The following CCDC167 variants were observed in gnomAD, a reference collection of about 807,000 sequenced individuals.
CCDC167 encodes coiled-coil domain containing 167, also known as coiled-coil domain-containing protein 167.
In CCDC167, 15 loss-of-function variants were observed where a neutral mutation model predicts 12.7. The observed-to-expected ratio is 1.18, with a 90% CI of 0.79 to 1.81. The LOEUF is 1.81. CCDC167 is among the 40% of genes most tolerant of loss of function. The probability of loss-of-function intolerance (pLI) is 0.00; values close to 1 mark genes in which losing one functional copy is unlikely to be tolerated. For synonymous variants in CCDC167, 52 were observed against 49.0 expected (o/e 1.06, Z -0.26); for missense variants, 121 against 120.1 (o/e 1.01, Z -0.03).
intron 1 of CCDC167, among the ~76,000 whole-genome samples, chr6:37,486,794 A>G (rs1334078373): frequency 6.6e-6 from 1 of 152,190 alleles, no homozygotes; most frequent in African/African-American, 2.4e-5. Context: ...GGAAATGAAC[A>G]CTGGGAAGCC....
At chr6:37,485,280 T>G (rs1405471042) in intron 1 of CCDC167, 86 bp from the exon 2 acceptor site, 9 of 1,010,654 alleles carry the variant, frequency 8.9e-6, no homozygotes, top group African/African-American at 4.7e-5. Flanking sequence ...TCCGGGAGTC[T>G]TCTTGGACAG....
intron 1 of CCDC167, among the ~76,000 whole-genome samples, chr6:37,497,726 T>C (rs541248367): frequency 6.6e-6 from 1 of 151,974 alleles, no homozygotes; most frequent in Non-Finnish European, 1.5e-5. Flanking sequence ...GTGGTGGTGG[T>C]CTAATCCTGG....
At chr6:37,484,736 C>G in intron 3 of CCDC167, 74 bp downstream of exon 3, 1 of 1,562,122 alleles carries the variant, frequency 6.4e-7, no homozygotes. Context: ...CCTTGTCAGG[C>G]CCCTTGGGCT....
At position 37,485,272 on chromosome 6, in the gene CCDC167, C is replaced by T. The variant is rs1018336787; in HGVS notation, c.43-78G>A. 1.1e-4 allele frequency: 120 copies of T among 1,119,752 alleles called. No individual in the cohort carries two copies. In the East Asian group the frequency reaches 1.8e-3, roughly 17 times the overall value. The allele number at this position is 1,119,752 out of a possible 1,614,324, so 69.4% of individuals were successfully genotyped here. On this transcript the variant is annotated intron_variant, in intron 1 of 3. Transcript: ENST00000373408. ...CACTGGGACTGGGAAGCAGGGCCTCCGGGAGTCTTCTTGGACAGGTGTTCC... is the reference window on the plus strand; with the variant it reads ...CACTGGGACTGGGAAGCAGGGCCTCTGGGAGTCTTCTTGGACAGGTGTTCC...
chr6:37,494,804 A>ATTTTTTTTTTTTTTT (rs1561799989), intron 1 of CCDC167, among the ~76,000 whole-genome samples: 3 of 44,932 alleles, frequency 6.7e-5, no homozygotes, highest in African/African-American at 5.2e-4. Flanking sequence ...CCTACCTACA[A>ATTTTTTTTTTTTTTT]ATTTTTTTTT....
chr6:37,491,279 T>A (rs1341306439), intron 1 of CCDC167, among the ~76,000 whole-genome samples: 1 of 152,146 alleles, frequency 6.6e-6, no homozygotes, highest in Non-Finnish European at 1.5e-5. Context: ...CACTCTATTC[T>A]CCTACTGAAT....
rs577071477 is a variant in CCDC167 at position 37,499,873 on chromosome 6, C to G, written c.-10G>C. 1 of 1,614,144 alleles carries G rather than the reference C, an allele frequency of 6.2e-7. No individual in the cohort carries two copies. Among genetic ancestry groups the G allele is most frequent in the South Asian group, 1.1e-5 (1 of 91,060 alleles). ...GCTTCTTTTTAGTCATGTTACTTGC[C>G]GGGATCCCCCAGTCATCACTGGACG... On this transcript the variant is annotated 5_prime_UTR_variant, in exon 1 of 4. Transcript: ENST00000373408.
chr6:37,484,967 G>T (rs1443154089), intron 2 of CCDC167, 105 bp from the exon 3 acceptor site: 1 of 1,485,672 alleles, frequency 6.7e-7, no homozygotes, highest in Non-Finnish European at 9.3e-7. Context: ...TCGGCGGCAG[G>T]GGGGGTGTGC....
chr6:37,494,289 G>A lies in CCDC167; in HGVS notation c.42+5533C>T, dbSNP rs574137536. On this transcript the variant is annotated intron_variant, in intron 1 of 3. Transcript: ENST00000373408. ...CGTTGGTCAGGCTGGTCTCGAACTC[G>A]TGACCTCAGGTGATCCGCCCGCCTG... Among the ~76,000 whole-genome samples the A allele has an allele frequency of 1.2e-4, 19 of 152,124 alleles. No individual in the cohort carries two copies. The South Asian group carries it at 2.3e-3, about 18-fold the overall frequency.
intron 1 of CCDC167, 58 bp downstream of exon 1, chr6:37,499,764 T>TC: frequency 1.3e-6 from 2 of 1,570,804 alleles, no homozygotes; most frequent in Non-Finnish European, 1.8e-6. Flanking sequence ...CTATCCCTTA[T>TC]CCCGCGGCCA....
At chr6:37,489,012 C>T (rs573700892) in intron 1 of CCDC167, among the ~76,000 whole-genome samples, 12 of 151,766 alleles carry the variant, frequency 7.9e-5, no homozygotes, top group Admixed American at 5.9e-4. Context: ...CCAAGGTGGG[C>T]GGATCACGAG....
At chr6:37,487,189 T>C (rs1346607172) in intron 1 of CCDC167, among the ~76,000 whole-genome samples, 1 of 152,216 alleles carries the variant, frequency 6.6e-6, no homozygotes. Context: ...AGGTCAGGTC[T>C]AGCCCACAGA....
At chr6:37,488,065 A>G (rs1761969850) in intron 1 of CCDC167, among the ~76,000 whole-genome samples, 1 of 152,224 alleles carries the variant, frequency 6.6e-6, no homozygotes, top group Non-Finnish European at 1.5e-5. Context: ...TTCAGAGGCC[A>G]CAAACCCATC....
intron 1 of CCDC167, among the ~76,000 whole-genome samples, chr6:37,486,208 T>C (rs528286443): frequency 6.6e-6 from 1 of 152,322 alleles, no homozygotes; most frequent in Non-Finnish European, 1.5e-5. Context: ...CTAGGAGACA[T>C]GGCAAATAAG....
chr6:37,490,482 A>G (rs767357930), intron 1 of CCDC167, among the ~76,000 whole-genome samples: 1 of 152,182 alleles, frequency 6.6e-6, no homozygotes, highest in Non-Finnish European at 1.5e-5. Context: ...GTGGGACCCA[A>G]CAAGTCCGTT....
chr6:37,485,393 C>T (rs1220074025), intron 1 of CCDC167, among the ~76,000 whole-genome samples, 199 bp from the exon 2 acceptor site: 2 of 152,260 alleles, frequency 1.3e-5, no homozygotes, highest in Non-Finnish European at 2.9e-5. Flanking sequence ...CAGCTCTGAA[C>T]TGCACAGGAC....
At chr6:37,497,878 C>T (rs1762118097) in intron 1 of CCDC167, among the ~76,000 whole-genome samples, 1 of 151,608 alleles carries the variant, frequency 6.6e-6, no homozygotes, top group African/African-American at 2.4e-5. Context: ...AGCGAAATAC[C>T]AATAAAAAAC....
At chr6:37,485,904 A>G (rs1178798408) in intron 1 of CCDC167, among the ~76,000 whole-genome samples, 1 of 152,226 alleles carries the variant, frequency 6.6e-6, no homozygotes, top group Non-Finnish European at 1.5e-5. Flanking sequence ...TTGTTTGATT[A>G]GAGTTTCAGA....
At chr6:37,497,836 G>A (rs2113911426) in intron 1 of CCDC167, among the ~76,000 whole-genome samples, 1 of 152,218 alleles carries the variant, frequency 6.6e-6, no homozygotes, top group African/African-American at 2.4e-5. Flanking sequence ...CAGCCTGGGC[G>A]AGAGTGAGAT....
Sources: allele counts gnomAD v4.1 joint callset (sites outside exome capture counted in the v4.1 genomes callset), GRCh38; gene constraint gnomAD v4.1.1; transcripts MANE v1.5; gene names NCBI Gene and HGNC (gene_info 2026-07-23, HGNC 2026-07-21).